FSTL5: variants seen among roughly 807,000 people sequenced by gnomAD.
FSTL5 encodes follistatin-related protein 5.
Under a neutral mutation model 89.1 loss-of-function variants are expected in FSTL5, and 62 were observed. That is an observed-to-expected ratio of 0.70 (90% CI 0.57 to 0.86). The LOEUF is 0.86. Ranked by LOEUF, FSTL5 falls within the 40% of genes least tolerant of loss-of-function variation. FSTL5 has a pLI of 0.00. For synonymous variants in FSTL5, 383 were observed against 346.2 expected (o/e 1.11, Z -1.18); for missense variants, 1,057 against 1,001.6 (o/e 1.06, Z -0.75).
rs185865503 is a variant in FSTL5 at position 161,409,910 on chromosome 4, T to A, written c.1842-23461A>T. On this transcript the variant is annotated intron_variant, in intron 15 of 15. Transcript: ENST00000306100. ...AACCTTGAATGTAAATAGGCTTACT[T>A]AAATGGCCACTTAAAAGACACAGAG... Among the ~76,000 whole-genome samples, 121 of 152,260 alleles carry A rather than the reference T, an allele frequency of 7.9e-4. 1 individual carries two copies. Among genetic ancestry groups the A allele is most frequent in the Admixed American group, 1.5e-3 (23 of 15,292 alleles).
chr4:161,977,639 A>AAAAAAAAAAAAAAAAAAAAAAT (rs1553988132), intron 3 of FSTL5, among the ~76,000 whole-genome samples: 2 of 101,244 alleles, frequency 2.0e-5, no homozygotes, highest in Non-Finnish European at 3.8e-5. Context: ...AAAAAAAAAA[A>AAAAAAAAAAAAAAAAAAAAAAT]AATAATAATA....
At chr4:161,684,940 C>T (rs1203942128) in intron 6 of FSTL5, among the ~76,000 whole-genome samples, 17 of 152,010 alleles carry the variant, frequency 1.1e-4, no homozygotes, top group African/African-American at 3.9e-4. Context: ...AGGTGAGAGA[C>T]GAAGATCCAG....
At chr4:161,814,179 G>A (rs978383585) in intron 4 of FSTL5, among the ~76,000 whole-genome samples, 1 of 152,022 alleles carries the variant, frequency 6.6e-6, no homozygotes, top group Non-Finnish European at 1.5e-5. Flanking sequence ...CACAGAGAAG[G>A]ATAAGAAAAT....
chr4:162,122,436 T>A (rs570998382), intron 1 of FSTL5, among the ~76,000 whole-genome samples: 1 of 152,122 alleles, frequency 6.6e-6, no homozygotes, highest in Non-Finnish European at 1.5e-5. Flanking sequence ...AATATTCTCA[T>A]GATTTCACTT....
intron 3 of FSTL5, chr4:162,032,521 A>C (rs550231080): frequency 2.6e-5 from 4 of 152,330 alleles, no homozygotes; most frequent in African/African-American, 9.6e-5. Flanking sequence ...CATTTGAACA[A>C]AATATATCTA....
chr4:161,777,753 G>A (rs1741465427), intron 4 of FSTL5, among the ~76,000 whole-genome samples: 1 of 152,018 alleles, frequency 6.6e-6, no homozygotes, highest in African/African-American at 2.4e-5. Context: ...CACAATACTG[G>A]GAACATCATA....
chr4:161,697,739 A>C (rs1738220575), intron 6 of FSTL5, among the ~76,000 whole-genome samples: 1 of 152,218 alleles, frequency 6.6e-6, no homozygotes, highest in East Asian at 1.9e-4. Context: ...TAAGTAAAAT[A>C]AGCCAGACTC....
At chr4:162,150,048 A>G (rs1471558084) in intron 1 of FSTL5, among the ~76,000 whole-genome samples, 1 of 152,198 alleles carries the variant, frequency 6.6e-6, no homozygotes, top group Non-Finnish European at 1.5e-5. Flanking sequence ...AACTTCCTAA[A>G]GAATATTGGC....
chr4:162,154,981 A>G (rs1185674944), intron 1 of FSTL5, among the ~76,000 whole-genome samples: 2 of 152,144 alleles, frequency 1.3e-5, no homozygotes, highest in Non-Finnish European at 2.9e-5. Context: ...GCATTCAAGC[A>G]ATAAAGACCA....
chr4:161,640,199 G>A (rs1735900578), intron 7 of FSTL5, among the ~76,000 whole-genome samples: 1 of 152,098 alleles, frequency 6.6e-6, no homozygotes, highest in South Asian at 2.1e-4. Context: ...TTCTGGGGAA[G>A]AAAGAGAATC....
In FSTL5 at chr4:161,873,743, T is replaced by C. The variant is rs1053561400; in HGVS notation, c.409+46661A>G. 3.3e-5 allele frequency among the ~76,000 whole-genome samples: 5 copies of C among 151,534 alleles called. No individual in the cohort carries two copies. In the Admixed American group the frequency reaches 3.3e-4, roughly 10 times the overall value. ...AATTCATTTGCTTCTATTCATACTT[T>C]CTCACGCAAAAATATACTAGATATG... On this transcript the variant is annotated intron_variant, in intron 4 of 15. Coordinates refer to ENST00000306100, the MANE Select transcript of FSTL5 (RefSeq NM_020116.5).
intron 3 of FSTL5, among the ~76,000 whole-genome samples, chr4:162,006,767 A>G (rs1368089398): frequency 6.6e-6 from 1 of 151,944 alleles, no homozygotes; most frequent in Non-Finnish European, 1.5e-5. Context: ...AATGGACTCT[A>G]TTCAACATCA....
At position 161,453,011 on chromosome 4, in the gene FSTL5, C is replaced by T. The variant is rs142081608; in HGVS notation, c.1841+1993G>A. ...TAATCATTTAGAACCCAAAGAGATG[C>T]TGTGGTCTGACAACATATAAATTAT... On this transcript the variant is annotated intron_variant, in intron 15 of 15. Transcript: ENST00000306100. Among the ~76,000 whole-genome samples the T allele has an allele frequency of 5.9e-3, 892 of 152,274 alleles. 9 individuals are homozygous for T. Among genetic ancestry groups the T allele is most frequent in the African/African-American group, 0.021 (860 of 41,550 alleles).
intron 3 of FSTL5, among the ~76,000 whole-genome samples, chr4:162,024,808 C>G (rs915564685): frequency 2.0e-5 from 3 of 151,930 alleles, no homozygotes; most frequent in African/African-American, 7.3e-5. Flanking sequence ...TGCCACCATG[C>G]TAGGCTAATT....
At chr4:161,400,772 C>T (rs1407843287) in intron 15 of FSTL5, among the ~76,000 whole-genome samples, 1 of 151,968 alleles carries the variant, frequency 6.6e-6, no homozygotes, top group South Asian at 2.1e-4. Context: ...ATGCTTGCAG[C>T]TATTATTTTA....
At chr4:161,955,635 C>T (rs1484238086) in intron 3 of FSTL5, among the ~76,000 whole-genome samples, 1 of 151,560 alleles carries the variant, frequency 6.6e-6, no homozygotes, top group African/African-American at 2.4e-5. Context: ...CAACAAAATA[C>T]ATCAAAATGT....
intron 3 of FSTL5, among the ~76,000 whole-genome samples, chr4:162,005,732 C>A (rs576445676): frequency 6.6e-6 from 1 of 152,196 alleles, no homozygotes. Flanking sequence ...ATAATTCTGA[C>A]CCCTTTCTAT....
At chr4:162,006,623 AT>A (rs1736624509) in intron 3 of FSTL5, among the ~76,000 whole-genome samples, 1 of 151,900 alleles carries the variant, frequency 6.6e-6, no homozygotes, top group African/African-American at 2.4e-5. Context: ...AAAAATTTCA[AT>A]TTTTCTAAAT....
intron 8 of FSTL5, among the ~76,000 whole-genome samples, chr4:161,548,795 T>C (rs72990904): frequency 0.038 from 5,766 of 151,898 alleles, 351 homozygotes; most frequent in African/African-American, 0.12. Context: ...TATGCAATGA[T>C]GGACTATTAA....
Sources: gnomAD v4.1 joint callset for allele counts (sites outside exome capture counted in the v4.1 genomes callset) on GRCh38, gnomAD v4.1.1 for gene constraint, MANE v1.5 for transcripts, NCBI Gene and HGNC (gene_info 2026-07-23, HGNC 2026-07-21) for gene names.